Variants in PALS1 observed in about 807,000 individuals in gnomAD.
PALS1 encodes the protein protein associated with LIN7 1, MAGUK p55 family member.
In PALS1, 31 loss-of-function variants were observed where a neutral mutation model predicts 78.9. The ratio of observed to expected loss-of-function variants is 0.39; its 90% confidence interval spans 0.30 to 0.53. PALS1 has a LOEUF of 0.53. PALS1 is among the 20% of genes least tolerant of loss of function. The pLI is 0.67. For missense variants in PALS1, 704 were observed against 826.5 expected, an observed-to-expected ratio of 0.85 and a Z score of 1.82; for synonymous variants, 276 against 270.9, an observed-to-expected ratio of 1.02 and a Z score of -0.18.
intron 3 of PALS1, 69 bp downstream of exon 3, chr14:67,279,606 A>C (rs1342677407): frequency 7.2e-7 from 1 of 1,398,358 alleles, no homozygotes. Context: ...AATGTATATG[A>C]GAAGGAAGAG....
intron 3 of PALS1, among the ~76,000 whole-genome samples, chr14:67,283,143 T>C (rs1449866632): frequency 6.6e-6 from 1 of 152,118 alleles, no homozygotes; most frequent in African/African-American, 2.4e-5. Flanking sequence ...ATCTATGAGA[T>C]ACTATTAGTG....
rs141877920 is a variant in PALS1, at chr14:67,280,533, G to A, written c.367+996G>A. 9.9e-5 allele frequency among the ~76,000 whole-genome samples: 15 copies of A among 152,188 alleles called. No homozygotes were observed. In the East Asian group the frequency reaches 2.7e-3, roughly 27 times the overall value. ...AACAGTACTCTGTAATCTCCATTTTGGAGATAAAGAAATTGAACCTTAGTT... is the reference window on the plus strand; with the variant it reads ...AACAGTACTCTGTAATCTCCATTTTAGAGATAAAGAAATTGAACCTTAGTT... On this transcript the variant is annotated intron_variant, in intron 3 of 14. Coordinates refer to ENST00000261681, the MANE Select transcript of PALS1 (RefSeq NM_022474.4).
chr14:67,320,223 C>G lies in PALS1; in HGVS notation c.1370-7C>G. On this transcript the variant is annotated splice_polypyrimidine_tract_variant and splice_region_variant and intron_variant, in intron 11 of 14. Transcript: ENST00000261681. ...TGTTTGAAGAGCTTAACTTTTTTTT[C>G]CCAAAGATTATGACAACGAGGAGAT... 6.3e-7 allele frequency: 1 copy of G among 1,593,226 alleles called. No homozygotes were observed. The highest frequency in any genetic ancestry group is 8.5e-7 in the Non-Finnish European group (1 of 1,172,888).
chr14:67,285,506 A>AC (rs2084672420), intron 3 of PALS1, among the ~76,000 whole-genome samples: 1 of 151,844 alleles, frequency 6.6e-6, no homozygotes, highest in South Asian at 2.1e-4. Context: ...AGCTGAGACT[A>AC]CAGGTGCCCA....
In PALS1 at chr14:67,251,366, C is replaced by T. The variant is rs576909053; in HGVS notation, c.-237+9833C>T. The stretch of plus-strand genomic sequence containing the variant: ...TGGGCAACACAGTGGGACCCTGTCT[C>T]TACAAAAAATACGAAAATTAGCTGG... On this transcript the variant is annotated intron_variant, in intron 1 of 14. Coordinates refer to ENST00000261681, the MANE Select transcript of PALS1 (RefSeq NM_022474.4). Among the ~76,000 whole-genome samples the T allele has an allele frequency of 1.9e-4, 29 of 152,200 alleles. 2 individuals are homozygous for T. The highest frequency in any genetic ancestry group is 6.5e-4 in the African/African-American group (27 of 41,520).
chr14:67,286,734 T>C (rs2084694397), intron 3 of PALS1, among the ~76,000 whole-genome samples: 1 of 151,164 alleles, frequency 6.6e-6, no homozygotes, highest in Non-Finnish European at 1.5e-5. Flanking sequence ...GGAATGCGAC[T>C]GTGGTCTTAG....
At chr14:67,245,269 CA>C (rs1290909096) in intron 1 of PALS1, among the ~76,000 whole-genome samples, 1 of 152,132 alleles carries the variant, frequency 6.6e-6, no homozygotes. Context: ...GCATTTCCAC[CA>C]GCAATATATG....
chr14:67,243,609 C>T (rs1401346781), intron 1 of PALS1, among the ~76,000 whole-genome samples: 2 of 151,202 alleles, frequency 1.3e-5, no homozygotes, highest in South Asian at 4.2e-4. Context: ...TTTTCTGCCT[C>T]AGCCTCCCGA....
rs1329739049 is a variant in PALS1, at chr14:67,279,354, C to A, written c.184C>A (p.Gln62Lys). Residue 62 changes from glutamine (Q) to lysine (K), a missense_variant, in exon 3 of 15, where the codon CAA becomes AAA. Coordinates refer to ENST00000261681, the MANE Select transcript of PALS1 (RefSeq NM_022474.4). ...TGCACAGTTGGAGCGTATTCGGCAA[C>A]AACAGGAGGACATGAGGCGTAGGAG... Reference protein sequence around the residue: ...RSAQLERIRQQQEDMRRRREE... With the variant: ...RSAQLERIRQKQEDMRRRREE... 1.9e-6 allele frequency: 3 copies of A among 1,613,274 alleles called. No homozygotes were observed. The African/African-American group carries it at 4.0e-5, about 22-fold the overall frequency.
chr14:67,262,495 A>G (rs553812249), intron 1 of PALS1, among the ~76,000 whole-genome samples: 2 of 152,244 alleles, frequency 1.3e-5, no homozygotes, highest in Admixed American at 1.3e-4. Context: ...CTGTGAAATC[A>G]TTCTTTATAA....
rs918451646 is a variant in PALS1 at position 67,334,563 on chromosome 14, T to C, written c.*1607T>C. 4 of 152,606 alleles carry C rather than the reference T, an allele frequency of 2.6e-5. No homozygotes were observed. The highest frequency in any genetic ancestry group is 4.4e-5 in the Non-Finnish European group (3 of 68,014). The allele number at this position is 152,606 out of a possible 1,614,324, so 9.5% of individuals were successfully genotyped here. A position where few individuals can be genotyped will look rare whatever the true frequency, so the allele number is the denominator to read the frequency against. On this transcript the variant is annotated 3_prime_UTR_variant, in exon 15 of 15. Coordinates refer to ENST00000261681, the MANE Select transcript of PALS1 (RefSeq NM_022474.4). Reference sequence around the variant, plus strand: ...TTCTACATAATTTTATTTGAACAAATGTAGACAGTTTATATGTCGCCTTTT... The same window carrying C: ...TTCTACATAATTTTATTTGAACAAACGTAGACAGTTTATATGTCGCCTTTT...
chr14:67,312,164 G>C (rs1249282060), intron 8 of PALS1: 1 of 155,196 alleles, frequency 6.4e-6, no homozygotes, highest in Non-Finnish European at 1.4e-5. Context: ...GAACAGTGTT[G>C]TGGATATCCT....
rs1057410043 is a variant in PALS1, at chr14:67,325,284, CTA to C, written c.1851+1474_1851+1475del. Among the ~76,000 whole-genome samples, 8 of 152,246 alleles carry C rather than the reference CTA, an allele frequency of 5.3e-5. No homozygotes were observed. The East Asian group carries it at 9.6e-4, about 18-fold the overall frequency. On this transcript the variant is annotated intron_variant, in intron 14 of 14. Transcript: ENST00000261681. ...ACCCTCCAAAATATCTTTTTTCACT[CTA>C]TGTCTACTTAACATTTCTTAATCTA...
intron 1 of PALS1, among the ~76,000 whole-genome samples, chr14:67,267,629 T>C (rs1416634361): frequency 2.0e-5 from 3 of 152,202 alleles, no homozygotes; most frequent in African/African-American, 7.2e-5. Context: ...TTTTATAAGA[T>C]TTAGGTTTTA....
At chr14:67,295,959 C>G (rs1282441166) in intron 4 of PALS1, among the ~76,000 whole-genome samples, 1 of 152,008 alleles carries the variant, frequency 6.6e-6, no homozygotes, top group East Asian at 1.9e-4. Flanking sequence ...AGATGTTTGT[C>G]AACCTGTGAA....
intron 14 of PALS1, among the ~76,000 whole-genome samples, chr14:67,329,867 TAAATAAATAAATA>T (rs753514957): frequency 0.16 from 23,338 of 150,310 alleles, 3,449 homozygotes; most frequent in East Asian, 0.42. Context: ...AATAAATAAA[TAAATAAATAAATA>T]GATATAGAAA....
At chr14:67,280,811 C>T (rs2084591527) in intron 3 of PALS1, among the ~76,000 whole-genome samples, 1 of 115,612 alleles carries the variant, frequency 8.6e-6, no homozygotes, top group African/African-American at 4.2e-5. Context: ...TTCCTTCCTT[C>T]CTTCCTTCCT....
intron 13 of PALS1, 89 bp from the exon 14 acceptor site, chr14:67,323,613 C>CA (rs879442783): frequency 0.018 from 4,518 of 252,354 alleles, 100 homozygotes; most frequent in African/African-American, 0.078. Context: ...GTCCCTTAAT[C>CA]TAATATATAT....
At position 67,302,555 on chromosome 14, in the gene PALS1, A is replaced by G; in HGVS notation, c.947A>G (p.Glu316Gly). ...GAAATTCGGGGGAAAGATGTCAATG[A>G]GGTTTTTGACTTGTTGGTAAGTTGA... is the stretch of plus-strand genomic sequence containing the variant. ...GIEIRGKDVN[E>G]VFDLLSDMHG... Residue 316 changes from glutamate to glycine, a missense_variant, in exon 7 of 15, where the codon GAG (glutamate) becomes GGG (glycine). Coordinates refer to ENST00000261681, the MANE Select transcript of PALS1 (RefSeq NM_022474.4). 1 of 1,531,988 alleles carries G rather than the reference A, an allele frequency of 6.5e-7. No individual in the cohort carries two copies. Among genetic ancestry groups the G allele is most frequent in the Non-Finnish European group, 8.8e-7 (1 of 1,138,906 alleles). 94.9% of individuals were successfully genotyped at this position (1,531,988 alleles called of 1,614,324 possible).
Sources: allele counts gnomAD v4.1 joint callset (sites outside exome capture counted in the v4.1 genomes callset), GRCh38; gene constraint gnomAD v4.1.1; transcripts MANE v1.5; gene names NCBI Gene and HGNC (gene_info 2026-07-23, HGNC 2026-07-21).